NDUFAF6: variants seen among roughly 807,000 people sequenced by gnomAD.
The protein encoded by NDUFAF6 is NADH dehydrogenase (ubiquinone) complex I, assembly factor 6.
In NDUFAF6, 45 loss-of-function variants were observed where a neutral mutation model predicts 40.8. That is an observed-to-expected ratio of 1.10 (90% confidence interval 0.87 to 1.42). The LOEUF is 1.42. Among genes scored for constraint, NDUFAF6 ranks in the 40% most tolerant of loss-of-function variants. NDUFAF6 has a pLI of 0.00. For missense variants in NDUFAF6, 435 were observed against 418.5 expected, an observed-to-expected ratio of 1.04 and a Z score of -0.34; for synonymous variants, 185 against 155.9, an observed-to-expected ratio of 1.19 and a Z score of -1.39.
At chr8:94,899,503 A>G (rs112780027) in intron 1 of NDUFAF6, among the ~76,000 whole-genome samples, 3,361 of 152,222 alleles carry the variant, frequency 0.022, 55 homozygotes, top group South Asian at 0.073. Flanking sequence ...AACTCCTTCA[A>G]TCTTCCACCA....
At chr8:94,958,064 G>A (rs1823233304) in exon 1 of NDUFAF6, 1 of 152,564 alleles carries the variant, frequency 6.6e-6, no homozygotes, top group Admixed American at 6.5e-5. Context: ...CACAACAGAT[G>A]GTGGTCAGTG....
chr8:95,049,183 G>C (rs1831151375), intron 7 of NDUFAF6, among the ~76,000 whole-genome samples: 1 of 152,040 alleles, frequency 6.6e-6, no homozygotes, highest in Non-Finnish European at 1.5e-5. Flanking sequence ...CAAATTTAAT[G>C]GTCATTTACA....
intron 2 of NDUFAF6, among the ~76,000 whole-genome samples, chr8:94,985,788 C>A (rs1156920136): frequency 6.6e-6 from 1 of 150,960 alleles, no homozygotes; most frequent in Non-Finnish European, 1.5e-5. Context: ...CCCGCCTTGG[C>A]GTCCCAAAGT....
chr8:94,961,588 A>T (rs574183), intron 1 of NDUFAF6, among the ~76,000 whole-genome samples: 27 of 151,896 alleles, frequency 1.8e-4, no homozygotes, highest in African/African-American at 6.3e-4. Context: ...CACCTGGCTA[A>T]TTTTTTTGTA....
At chr8:94,929,886 A>G (rs993586260) in intron 1 of NDUFAF6, 4 of 152,800 alleles carry the variant, frequency 2.6e-5, no homozygotes, top group African/African-American at 9.6e-5. Context: ...TGAATTCCAA[A>G]TGAACTGTAT....
At chr8:95,070,243 A>G (rs772931391) in intron 9 of NDUFAF6, among the ~76,000 whole-genome samples, 2 of 152,144 alleles carry the variant, frequency 1.3e-5, no homozygotes, top group African/African-American at 2.4e-5. Flanking sequence ...TCATTTTCTC[A>G]TCTGTAAAAT....
In NDUFAF6 at chr8:94,901,669, C is replaced by T. The variant is rs182079143; in HGVS notation, c.-936+5742C>T. 2.6e-5 allele frequency among the ~76,000 whole-genome samples: 4 copies of T among 152,294 alleles called. No homozygotes were observed. In the East Asian group the frequency reaches 5.8e-4, roughly 22 times the overall value. ...CGATCTCAGCTCACTGCAACCTCCACCTCCCAGGTTCAAGTGATTCTCATG... is the reference window on the plus strand; with the variant it reads ...CGATCTCAGCTCACTGCAACCTCCATCTCCCAGGTTCAAGTGATTCTCATG... On this transcript the variant is annotated intron_variant, in intron 1 of 14. Coordinates refer to the NDUFAF6 transcript ENST00000396113.
upstream of NDUFAF6, among the ~76,000 whole-genome samples, chr8:95,097,089 AT>A (rs1809490127): frequency 6.6e-6 from 1 of 152,206 alleles, no homozygotes; most frequent in African/African-American, 2.4e-5. Context: ...GAACAGACTC[AT>A]TTGTACGTTT....
intron 1 of NDUFAF6, among the ~76,000 whole-genome samples, chr8:94,909,529 G>T (rs1433239137): frequency 6.6e-6 from 1 of 151,826 alleles, no homozygotes; most frequent in African/African-American, 2.4e-5. Flanking sequence ...GGGAGGCTAA[G>T]GCTGGAGAAT....
chr8:94,977,522 TA>T (rs748596014), intron 1 of NDUFAF6, among the ~76,000 whole-genome samples: 1,405 of 104,788 alleles, frequency 0.013, 16 homozygotes, highest in African/African-American at 0.039. Context: ...ACCCTGTCTC[TA>T]AAAAAAAAAA....
chr8:95,051,439 T>C (rs973299912), intron 7 of NDUFAF6, among the ~76,000 whole-genome samples: 4 of 152,064 alleles, frequency 2.6e-5, no homozygotes, highest in Non-Finnish European at 5.9e-5. Flanking sequence ...GTAATTTCAG[T>C]AGATGGTTGG....
At chr8:95,047,626 C>T (rs1409541816) in intron 6 of NDUFAF6, among the ~76,000 whole-genome samples, 10 of 150,808 alleles carry the variant, frequency 6.6e-5, no homozygotes, top group African/African-American at 2.2e-4. Context: ...TCTTCTGCCT[C>T]GGCCTCCCAA....
chr8:94,965,893 C>A (rs112076731), intron 1 of NDUFAF6, among the ~76,000 whole-genome samples: 50 of 152,052 alleles, frequency 3.3e-4, no homozygotes, highest in African/African-American at 1.1e-3. Context: ...TCATAAAAAC[C>A]CTATGAAGTA....
rs187371308 is a variant in NDUFAF6, at chr8:94,998,925, G to C, written c.-84+17952G>C. On this transcript the variant is annotated intron_variant, in intron 2 of 9. Transcript: ENST00000396111. The stretch of plus-strand genomic sequence containing the variant: ...TGTTTGGGTTTGTTACGGTTGGAGA[G>C]CAGGGTGTGTGTGTGTGTGTATGAA... 7.1e-3 allele frequency among the ~76,000 whole-genome samples: 1,064 copies of C among 150,180 alleles called. 5 individuals are homozygous for C. Among genetic ancestry groups the C allele is most frequent in the Admixed American group, 0.012 (180 of 15,202 alleles).
chr8:95,092,471 C>A (rs1405662502), intron 2 of NDUFAF6, among the ~76,000 whole-genome samples: 1 of 152,024 alleles, frequency 6.6e-6, no homozygotes, highest in Admixed American at 6.6e-5. Context: ...TGTGAGCCAC[C>A]TCACCTGGCC....
Position 95,058,043 on chromosome 8 carries a change from A to G in NDUFAF6, c.*106A>G. ...TGACTGTTAAGGAGAAAATGAATTT[A>G]TTGAATGGGATGTCAAGTAGCTCAC... On this transcript the variant is annotated 3_prime_UTR_variant, in exon 9 of 9. Transcript: ENST00000396124. 3 of 1,491,458 alleles carry G rather than the reference A, an allele frequency of 2.0e-6. No individual in the cohort carries two copies. Among genetic ancestry groups the G allele is most frequent in the South Asian group, 2.7e-5 (2 of 73,768 alleles). The allele number at this position is 1,491,458 out of a possible 1,614,324, so 92.4% of individuals were successfully genotyped here. A position where few individuals can be genotyped will look rare whatever the true frequency, so the allele number is the denominator to read the frequency against.
chr8:95,035,693 G>C, intron 3 of NDUFAF6, 117 bp downstream of exon 3: 2 of 1,043,108 alleles, frequency 1.9e-6, no homozygotes, highest in Non-Finnish European at 2.8e-6. Flanking sequence ...AATATTCTTA[G>C]GCTTATGTAT....
intron 1 of NDUFAF6, chr8:94,930,516 A>G (rs1410868570): frequency 6.2e-7 from 1 of 1,614,214 alleles, no homozygotes. Flanking sequence ...CTGATGAACA[A>G]CCCAGCCATT....
At chr8:95,094,381 TCTTTC>T (rs1809371760) in intron 2 of NDUFAF6, among the ~76,000 whole-genome samples, 1 of 52,956 alleles carries the variant, frequency 1.9e-5, no homozygotes, top group South Asian at 9.7e-4. Flanking sequence ...TTTCTTTCCT[TCTTTC>T]TTTTCTTTTC....
Sources: allele counts gnomAD v4.1 joint callset (sites outside exome capture counted in the v4.1 genomes callset), GRCh38; gene constraint gnomAD v4.1.1; transcripts MANE v1.5; gene names NCBI Gene and HGNC (gene_info 2026-07-23, HGNC 2026-07-21).